Variants in EYS observed in about 807,000 individuals in gnomAD.
EYS encodes protein eyes shut homolog.
EYS carries 250 observed loss-of-function variants against 282.1 expected under a neutral mutation model. The ratio of observed to expected loss-of-function variants is 0.89; its 90% confidence interval spans 0.80 to 0.98. EYS has a LOEUF of 0.98. Among genes scored for constraint, EYS ranks in the 50% least tolerant of loss-of-function variants. The pLI, the probability that EYS is intolerant of heterozygous loss-of-function variation, is 0.00. For synonymous variants in EYS, 1,355 were observed against 1,282.9 expected (o/e 1.06, Z -1.20); for missense variants, 4,016 against 3,709.0 (o/e 1.08, Z -2.15).
chr6:64,376,137 T>C (rs759957612), intron 29 of EYS, among the ~76,000 whole-genome samples: 6 of 152,228 alleles, frequency 3.9e-5, no homozygotes, highest in Non-Finnish European at 8.8e-5. Context: ...GACAAAGTGC[T>C]GATTGCAGTA....
At chr6:65,453,434 T>G (rs1459286597) in intron 5 of EYS, among the ~76,000 whole-genome samples, 4 of 152,030 alleles carry the variant, frequency 2.6e-5, no homozygotes, top group Non-Finnish European at 5.9e-5. Context: ...GAGGTACACT[T>G]TGAGGTTTCA....
chr6:64,987,808 T>G (rs1770911890), intron 14 of EYS, among the ~76,000 whole-genome samples: 1 of 151,500 alleles, frequency 6.6e-6, no homozygotes, highest in South Asian at 2.1e-4. Flanking sequence ...AGCAAACTAG[T>G]CCTTGATTGT....
chr6:64,875,500 C>T (rs1273347953), intron 19 of EYS, among the ~76,000 whole-genome samples: 1 of 152,046 alleles, frequency 6.6e-6, no homozygotes, highest in African/African-American at 2.4e-5. Context: ...GGTCTCAACT[C>T]ACCTCATAAT....
chr6:65,262,007 T>G (rs188808229), intron 12 of EYS, among the ~76,000 whole-genome samples: 1 of 152,174 alleles, frequency 6.6e-6, no homozygotes, highest in East Asian at 1.9e-4. Context: ...TCTTCCCTCC[T>G]TAGAATATAA....
chr6:64,988,262 T>C (rs913951181), intron 14 of EYS, among the ~76,000 whole-genome samples: 1 of 151,590 alleles, frequency 6.6e-6, no homozygotes, highest in Admixed American at 6.6e-5. Flanking sequence ...TGAGGTGTTT[T>C]GCTTTGTGTC....
At chr6:64,507,511 T>A (rs1445799419) in intron 26 of EYS, among the ~76,000 whole-genome samples, 1 of 152,228 alleles carries the variant, frequency 6.6e-6, no homozygotes, top group Non-Finnish European at 1.5e-5. Context: ...AGGCATCTTT[T>A]GAAAGCTGAA....
intron 22 of EYS, among the ~76,000 whole-genome samples, chr6:64,658,296 C>A (rs1468120845): frequency 8.2e-6 from 1 of 122,136 alleles, no homozygotes; most frequent in Non-Finnish European, 1.7e-5. Context: ...GCCATGGGTT[C>A]GAACTTCCTC....
chr6:65,141,248 A>C (rs1264671349), intron 12 of EYS, among the ~76,000 whole-genome samples: 1 of 152,054 alleles, frequency 6.6e-6, no homozygotes, highest in Non-Finnish European at 1.5e-5. Context: ...AAGGACAAAA[A>C]ACCAAACACC....
chr6:64,928,732 T>C (rs1421333000), intron 15 of EYS, among the ~76,000 whole-genome samples: 3 of 152,138 alleles, frequency 2.0e-5, no homozygotes, highest in Non-Finnish European at 4.4e-5. Context: ...AATTTTAGTT[T>C]ATTTTTAATT....
chr6:64,700,593 G>A (rs1257344099), intron 22 of EYS, among the ~76,000 whole-genome samples: 1 of 151,752 alleles, frequency 6.6e-6, no homozygotes, highest in Non-Finnish European at 1.5e-5. Flanking sequence ...TGATGACAAA[G>A]AGATACAAAT....
intron 2 of EYS, among the ~76,000 whole-genome samples, chr6:65,595,442 C>T (rs1056112061): frequency 6.6e-6 from 1 of 151,320 alleles, no homozygotes; most frequent in African/African-American, 2.4e-5. Context: ...ACGTTGTGCA[C>T]ATGTACCCTA....
chr6:65,389,847 T>G (rs1765946151), intron 7 of EYS, among the ~76,000 whole-genome samples: 1 of 152,064 alleles, frequency 6.6e-6, no homozygotes, highest in African/African-American at 2.4e-5. Context: ...GTTTGGTGTT[T>G]TCAGGTCAAT....
chr6:65,243,351 A>T (rs2150277362), intron 12 of EYS, among the ~76,000 whole-genome samples: 1 of 152,350 alleles, frequency 6.6e-6, no homozygotes, highest in East Asian at 1.9e-4. Flanking sequence ...TCACAGCAGC[A>T]GAGATCAGAG....
At chr6:64,459,567 G>A (rs888109211) in intron 26 of EYS, among the ~76,000 whole-genome samples, 3 of 152,146 alleles carry the variant, frequency 2.0e-5, no homozygotes, top group Non-Finnish European at 2.9e-5. Context: ...TAGGGAAGCC[G>A]ACAGTGCAGC....
At chr6:65,450,847 A>G (rs961022613) in intron 5 of EYS, among the ~76,000 whole-genome samples, 2 of 152,282 alleles carry the variant, frequency 1.3e-5, no homozygotes, top group African/African-American at 4.8e-5. Flanking sequence ...TTGTTTTAAA[A>G]TATTGATGCC....
chr6:64,892,978 A>T (rs1767334814), intron 18 of EYS, among the ~76,000 whole-genome samples: 1 of 152,090 alleles, frequency 6.6e-6, no homozygotes, highest in Non-Finnish European at 1.5e-5. Flanking sequence ...TCGCTATGAT[A>T]ATCACATCAG....
chr6:65,494,725 A>C lies in EYS; in HGVS notation c.686T>G (p.Ile229Ser). The part of the protein sequence containing the change: ...FKPCKNNGSC[I>S]NKRENWDEQA... ...CTCATCCCAATTTTCTCTTTTATTA[A>C]TGCAACTGCCATTATTTTTACATGG... is the stretch of plus-strand genomic sequence containing the variant. Residue 229 changes from isoleucine to serine, a missense_variant, in exon 4 of 43, where the codon ATT becomes AGT. Ile to Ser is a moderately radical substitution (Grantham distance 142). Transcript: ENST00000503581. The C allele has an allele frequency of 1.2e-6, 2 of 1,610,640 alleles. No individual in the cohort carries two copies. The highest frequency in any genetic ancestry group is 1.7e-6 in the Non-Finnish European group (2 of 1,178,020).
At chr6:65,368,600 A>G (rs368003544) in intron 8 of EYS, among the ~76,000 whole-genome samples, 3 of 151,792 alleles carry the variant, frequency 2.0e-5, no homozygotes, top group South Asian at 4.1e-4. Context: ...CGTTATTTGA[A>G]AAAATTCTTC....
chr6:64,996,310 G>A (rs190435995), intron 14 of EYS, among the ~76,000 whole-genome samples: 1 of 152,230 alleles, frequency 6.6e-6, no homozygotes, highest in East Asian at 1.9e-4. Context: ...GTAGTTAATA[G>A]TGATAGTCTA....
Sources: allele counts gnomAD v4.1 joint callset (sites outside exome capture counted in the v4.1 genomes callset), GRCh38; gene constraint gnomAD v4.1.1; transcripts MANE v1.5; gene names NCBI Gene and HGNC (gene_info 2026-07-23, HGNC 2026-07-21).